The following PTPRD variants were observed in gnomAD, a reference collection of about 807,000 sequenced individuals.
PTPRD encodes the protein receptor-type tyrosine-protein phosphatase delta.
Under a neutral mutation model 214.5 loss-of-function variants are expected in PTPRD, and 34 were observed. The ratio of observed to expected loss-of-function variants is 0.16; its 90% CI spans 0.12 to 0.21. The LOEUF (loss-of-function observed/expected upper bound fraction) is 0.21. PTPRD is among the 10% of genes least tolerant of loss of function. PTPRD has a pLI of 1.00. For missense variants in PTPRD, 2,545 were observed against 2,398.7 expected (o/e 1.06, Z -1.27); for synonymous variants, 1,128 against 845.7 (o/e 1.33, Z -5.79).
chr9:9,069,391 CT>C (rs2099740482), intron 10 of PTPRD, among the ~76,000 whole-genome samples: 1 of 152,146 alleles, frequency 6.6e-6, no homozygotes, highest in Admixed American at 6.5e-5. Flanking sequence ...ACTTAAACGT[CT>C]TTGTGACTAG....
intron 8 of PTPRD, among the ~76,000 whole-genome samples, chr9:9,492,934 G>A (rs925207963): frequency 6.8e-6 from 1 of 146,682 alleles, no homozygotes; most frequent in African/African-American, 2.5e-5. Flanking sequence ...GGGGCACCAT[G>A]AACCCAACCC....
intron 7 of PTPRD, among the ~76,000 whole-genome samples, chr9:9,626,052 GACTTT>G (rs1447167992): frequency 1.3e-5 from 2 of 152,252 alleles, no homozygotes; most frequent in East Asian, 3.9e-4. Flanking sequence ...GTTACAACTG[GACTTT>G]ACTTGCAAAA....
At chr9:9,027,935 A>G (rs902760526) in intron 10 of PTPRD, among the ~76,000 whole-genome samples, 26 of 151,948 alleles carry the variant, frequency 1.7e-4, no homozygotes, top group African/African-American at 5.8e-4. Context: ...TGAAAAACAT[A>G]TTAGCCACAT....
At chr9:9,745,800 A>G (rs1292250200) in intron 6 of PTPRD, among the ~76,000 whole-genome samples, 2 of 152,130 alleles carry the variant, frequency 1.3e-5, no homozygotes, top group Non-Finnish European at 2.9e-5. Context: ...CCCTGACCCC[A>G]TCACAGTGCT....
chr9:10,240,651 C>T (rs935612492), intron 3 of PTPRD, among the ~76,000 whole-genome samples: 3 of 151,738 alleles, frequency 2.0e-5, no homozygotes, highest in Middle Eastern at 3.2e-3. Flanking sequence ...AAGGATAATA[C>T]AAAATGACAA....
chr9:10,144,203 A>G (rs1323569150), intron 3 of PTPRD, among the ~76,000 whole-genome samples: 2 of 152,132 alleles, frequency 1.3e-5, no homozygotes, highest in African/African-American at 4.8e-5. Context: ...AACTCTTTGC[A>G]ATGTTTAACA....
chr9:10,359,341 A>G (rs1290395945), intron 2 of PTPRD, among the ~76,000 whole-genome samples: 3 of 151,998 alleles, frequency 2.0e-5, no homozygotes, highest in East Asian at 3.9e-4. Flanking sequence ...AAACAGTTAC[A>G]TCTCTTCTCT....
chr9:8,316,454 GC>G lies in PTPRD; in HGVS notation c.*1419del. On this transcript the variant is annotated 3_prime_UTR_variant, in exon 46 of 46. Coordinates refer to ENST00000381196, the MANE Select transcript of PTPRD (RefSeq NM_002839.4). ...AACAGAGTAACATGAATTTGGCTTT[GC>G]CCCTGTTACATATCATAAATGCAAA... 1 of 230,704 alleles carries G rather than the reference GC, an allele frequency of 4.3e-6. No individual in the cohort carries two copies. The highest frequency in any genetic ancestry group is 2.2e-5 in the African/African-American group (1 of 45,210). 14.3% of individuals were successfully genotyped at this position (230,704 alleles called of 1,614,324 possible).
chr9:8,885,380 T>C (rs528637113), intron 11 of PTPRD, among the ~76,000 whole-genome samples: 45 of 151,616 alleles, frequency 3.0e-4, no homozygotes, highest in African/African-American at 9.2e-4. Context: ...TTGGTTACCA[T>C]AGAAGAAATT....
At chr9:9,103,812 C>G (rs1038821755) in intron 10 of PTPRD, among the ~76,000 whole-genome samples, 7 of 152,004 alleles carry the variant, frequency 4.6e-5, no homozygotes, top group African/African-American at 1.7e-4. Flanking sequence ...GAAACCCTGT[C>G]TCTACAAAAA....
chr9:10,431,219 C>T (rs1457642797), intron 2 of PTPRD, among the ~76,000 whole-genome samples: 1 of 151,906 alleles, frequency 6.6e-6, no homozygotes, highest in Non-Finnish European at 1.5e-5. Context: ...AGGTTTCTTT[C>T]CAGTTTAGCC....
chr9:9,900,207 TC>T (rs2076066736), intron 5 of PTPRD, among the ~76,000 whole-genome samples: 1 of 152,166 alleles, frequency 6.6e-6, no homozygotes, highest in Non-Finnish European at 1.5e-5. Context: ...ATGCTCTGCT[TC>T]CATTTTAAAT....
chr9:9,713,167 C>G (rs892315860), intron 7 of PTPRD, among the ~76,000 whole-genome samples: 1 of 152,168 alleles, frequency 6.6e-6, no homozygotes, highest in Admixed American at 6.6e-5. Flanking sequence ...AGTCTTGCAG[C>G]TTATTTCTGC....
intron 10 of PTPRD, among the ~76,000 whole-genome samples, chr9:9,115,232 T>A (rs966285360): frequency 2.6e-5 from 4 of 152,122 alleles, no homozygotes; most frequent in African/African-American, 9.7e-5. Context: ...GAGATTGGGG[T>A]ATGTTCCTAA....
chr9:8,964,776 T>C (rs1385734117), intron 11 of PTPRD, among the ~76,000 whole-genome samples: 1 of 152,172 alleles, frequency 6.6e-6, no homozygotes, highest in Non-Finnish European at 1.5e-5. Flanking sequence ...TTACTTCAAA[T>C]AATTTTATTT....
chr9:9,789,825 A>T (rs2098954734), intron 5 of PTPRD, among the ~76,000 whole-genome samples: 1 of 146,706 alleles, frequency 6.8e-6, no homozygotes, highest in Non-Finnish European at 1.5e-5. Flanking sequence ...AAAAAAAAAA[A>T]TTAAATCGAG....
chr9:9,899,561 G>T (rs2075880958), intron 5 of PTPRD, among the ~76,000 whole-genome samples: 1 of 151,946 alleles, frequency 6.6e-6, no homozygotes, highest in South Asian at 2.1e-4. Context: ...ACCAGTGTTG[G>T]TATGGATGTG....
Position 10,606,099 on chromosome 9 carries a change from A to G in PTPRD, c.-600+6299T>C, listed in dbSNP as rs575194971. On this transcript the variant is annotated intron_variant, in intron 2 of 45. Transcript: ENST00000381196. ...AATCAAACAGGAATTACTATGGTTC[A>G]TGAATAAACTGTCCTTCTCAATGGT... Among the ~76,000 whole-genome samples the G allele has an allele frequency of 3.4e-3, 509 of 151,938 alleles. 5 individuals are homozygous for G. The highest frequency in any genetic ancestry group is 0.011 in the African/African-American group (472 of 41,494).
At chr9:8,932,167 G>T (rs1206771079) in intron 11 of PTPRD, among the ~76,000 whole-genome samples, 1 of 152,038 alleles carries the variant, frequency 6.6e-6, no homozygotes, top group African/African-American at 2.4e-5. Context: ...CTTCAGTTCT[G>T]CTCTGATCTT....
Sources: allele counts gnomAD v4.1 joint callset (sites outside exome capture counted in the v4.1 genomes callset), GRCh38; gene constraint gnomAD v4.1.1; transcripts MANE v1.5; gene names NCBI Gene and HGNC (gene_info 2026-07-23, HGNC 2026-07-21).